The following VPS13B variants were observed in gnomAD, a reference collection of about 807,000 sequenced individuals.
The protein encoded by VPS13B is intermembrane lipid transfer protein VPS13B.
In VPS13B, 285 loss-of-function variants were observed where a neutral mutation model predicts 426.4. The observed-to-expected ratio is 0.67, with a 90% CI of 0.61 to 0.74. VPS13B has a LOEUF of 0.74. Among genes scored for constraint, VPS13B ranks in the 30% least tolerant of loss-of-function variants. The pLI, the probability that VPS13B is intolerant of heterozygous loss-of-function variation, is 0.00. For synonymous variants in VPS13B, 1,676 were observed against 1,676.4 expected (o/e 1.00, Z 0.01); for missense variants, 4,537 against 4,782.6 (o/e 0.95, Z 1.51).
chr8:99,432,642 A>G (rs190557537), intron 22 of VPS13B, among the ~76,000 whole-genome samples: 1 of 152,332 alleles, frequency 6.6e-6, no homozygotes, highest in African/African-American at 2.4e-5. Flanking sequence ...TACTTTATTT[A>G]AAGTGGGAAG....
At chr8:99,229,545 G>C (rs1816208145) in intron 17 of VPS13B, among the ~76,000 whole-genome samples, 1 of 152,118 alleles carries the variant, frequency 6.6e-6, no homozygotes, top group Non-Finnish European at 1.5e-5. Context: ...GGTTAGGGCT[G>C]GGTATGGGTG....
intron 30 of VPS13B, among the ~76,000 whole-genome samples, chr8:99,529,211 T>C (rs998593199): frequency 6.6e-6 from 1 of 152,168 alleles, no homozygotes; most frequent in African/African-American, 2.4e-5. Flanking sequence ...ACCACCTCCT[T>C]ACCCTGTGGC....
rs564856099 is a variant in VPS13B, at chr8:99,221,043, G to A, written c.2515+27986G>A. On this transcript the variant is annotated intron_variant, in intron 17 of 61. Transcript: ENST00000357162. Reference sequence around the variant, plus strand: ...TATGAGTGAGAATATGCGGTGTTTGGTTTTTTGTTCTTGCGATAGTTTACT... The same window carrying A: ...TATGAGTGAGAATATGCGGTGTTTGATTTTTTGTTCTTGCGATAGTTTACT... Among the ~76,000 whole-genome samples the A allele has an allele frequency of 2.8e-3, 270 of 97,970 alleles. 1 individual carries two copies. Among genetic ancestry groups the A allele is most frequent in the Non-Finnish European group, 4.1e-3 (201 of 49,060 alleles). The allele number at this position is 97,970 out of a possible 152,430, so 64.3% of individuals were successfully genotyped here.
chr8:99,422,087 G>T (rs1014452018), intron 21 of VPS13B, among the ~76,000 whole-genome samples: 1 of 152,116 alleles, frequency 6.6e-6, no homozygotes, highest in Non-Finnish European at 1.5e-5. Context: ...GCTTGACAGA[G>T]TTTTATGTAG....
chr8:99,691,115 C>T (rs1384344455), intron 35 of VPS13B, among the ~76,000 whole-genome samples: 2 of 152,136 alleles, frequency 1.3e-5, no homozygotes, highest in African/African-American at 4.8e-5. Context: ...GTACAAAAAT[C>T]ACATATTATA....
chr8:99,193,030 T>G lies in VPS13B; in HGVS notation c.2488T>G (p.Leu830Val), dbSNP rs1449471227. Residue 830 changes from leucine (L) to valine (V), a missense_variant, in exon 17 of 62, where the codon TTG (leucine) becomes GTG (valine). Coordinates refer to ENST00000357162, the MANE Select transcript of VPS13B (RefSeq NM_152564.5). ...CAGCTCTTCCGCAGTGATTGAAGCT[T>G]TGATAAATGAAATCTTCCTAAGTAT... ...NVSSSAVIEALINEIFLSIGV... is the reference protein window; with the variant it reads ...NVSSSAVIEAVINEIFLSIGV... 1.2e-6 allele frequency: 2 copies of G among 1,613,672 alleles called. No individual in the cohort carries two copies. Among genetic ancestry groups the G allele is most frequent in the African/African-American group, 2.7e-5 (2 of 75,036 alleles).
At chr8:99,334,023 A>G (rs1437975677) in intron 19 of VPS13B, among the ~76,000 whole-genome samples, 1 of 151,962 alleles carries the variant, frequency 6.6e-6, no homozygotes, top group African/African-American at 2.4e-5. Context: ...TAAACCTGCT[A>G]TAAAATTCTT....
intron 19 of VPS13B, among the ~76,000 whole-genome samples, chr8:99,328,992 C>T (rs1205382333): frequency 6.6e-6 from 1 of 152,132 alleles, no homozygotes; most frequent in Non-Finnish European, 1.5e-5. Context: ...TTAAGTTGCT[C>T]ATCTACTAAG....
chr8:99,121,747 A>G, intron 8 of VPS13B: 1 of 463,250 alleles, frequency 2.2e-6, no homozygotes, highest in Non-Finnish European at 3.1e-6. Flanking sequence ...ATTAAAAAAG[A>G]AAGGAACAGC....
chr8:99,522,538 C>A (rs940095068), intron 30 of VPS13B, among the ~76,000 whole-genome samples: 3 of 151,990 alleles, frequency 2.0e-5, no homozygotes, highest in African/African-American at 7.2e-5. Context: ...TAAACAATCT[C>A]TTTGCTATTA....
chr8:99,677,711 G>A lies in VPS13B; in HGVS notation c.6046+16220G>A, dbSNP rs796504435. Among the ~76,000 whole-genome samples the A allele has an allele frequency of 2.4e-4, 37 of 152,274 alleles. 1 individual carries two copies. The highest frequency in any genetic ancestry group is 3.4e-3 in the Middle Eastern group (1 of 294). On this transcript the variant is annotated intron_variant, in intron 35 of 61. Coordinates refer to ENST00000357162, the MANE Select transcript of VPS13B (RefSeq NM_152564.5). ...GGGGGCCAGTACTAGGTCTCATGCA[G>A]AGAAGTCAGTAGAGTCGCAGTCATT...
At chr8:99,051,441 T>G (rs922624008) in intron 3 of VPS13B, among the ~76,000 whole-genome samples, 3 of 151,560 alleles carry the variant, frequency 2.0e-5, no homozygotes, top group Non-Finnish European at 4.4e-5. Flanking sequence ...AGCCTTGTAG[T>G]ATAGTTTGAA....
intron 3 of VPS13B, among the ~76,000 whole-genome samples, chr8:99,058,059 C>G (rs1160211619): frequency 2.6e-5 from 4 of 152,108 alleles, no homozygotes; most frequent in Admixed American, 2.6e-4. Context: ...GAAGTGTGAT[C>G]TGAAGACCTC....
chr8:99,166,602 C>G (rs1812019280), intron 15 of VPS13B, among the ~76,000 whole-genome samples: 1 of 152,214 alleles, frequency 6.6e-6, no homozygotes, highest in East Asian at 1.9e-4. Flanking sequence ...GGAAACGCAT[C>G]TCATCTTCTT....
chr8:99,681,608 C>T (rs1469489737), intron 35 of VPS13B, among the ~76,000 whole-genome samples: 1 of 152,140 alleles, frequency 6.6e-6, no homozygotes, highest in Admixed American at 6.5e-5. Context: ...TTTGAGTCTG[C>T]AGTGAGCTAG....
At chr8:99,639,998 T>TAAG (rs1409247144) in intron 33 of VPS13B, among the ~76,000 whole-genome samples, 2 of 47,074 alleles carry the variant, frequency 4.2e-5, no homozygotes, top group African/African-American at 2.0e-4. Context: ...ATAATAATAA[T>TAAG]AATAATAATA....
chr8:99,836,554 C>T (rs1433548550), intron 54 of VPS13B, among the ~76,000 whole-genome samples: 3 of 152,136 alleles, frequency 2.0e-5, no homozygotes, highest in Non-Finnish European at 2.9e-5. Flanking sequence ...TTTCACCTAG[C>T]ATAATGTTCT....
chr8:99,556,689 A>C, intron 31 of VPS13B, 36 bp downstream of exon 31: 7 of 1,599,508 alleles, frequency 4.4e-6, no homozygotes, highest in Non-Finnish European at 6.0e-6. Context: ...ACTCTTTCTA[A>C]TACTTCATTG....
chr8:99,222,875 C>T (rs1001707411), intron 17 of VPS13B, among the ~76,000 whole-genome samples: 3 of 152,162 alleles, frequency 2.0e-5, no homozygotes, highest in Admixed American at 1.3e-4. Flanking sequence ...CTTACTCTGC[C>T]GCCCAGGCTT....
Sources: allele counts gnomAD v4.1 joint callset (sites outside exome capture counted in the v4.1 genomes callset), GRCh38; gene constraint gnomAD v4.1.1; transcripts MANE v1.5; gene names NCBI Gene and HGNC (gene_info 2026-07-23, HGNC 2026-07-21).